KMT2B: variants seen among roughly 807,000 people sequenced by gnomAD.
The protein encoded by KMT2B is histone-lysine N-methyltransferase 2B.
Under a neutral mutation model 255.3 loss-of-function variants are expected in KMT2B, and 22 were observed. That is an observed-to-expected ratio of 0.09 (90% CI 0.06 to 0.12). The LOEUF (loss-of-function observed/expected upper bound fraction) is 0.12. KMT2B is among the 10% of genes least tolerant of loss of function. The pLI, the probability that KMT2B is intolerant of heterozygous loss-of-function variation, is 1.00. For missense variants in KMT2B, 3,149 were observed against 3,737.0 expected, an observed-to-expected ratio of 0.84 and a Z score of 4.10; for synonymous variants, 1,730 against 1,498.1, an observed-to-expected ratio of 1.15 and a Z score of -3.57.
chr19:35,724,486 G>A (rs1969350828), intron 8 of KMT2B, 151 bp from the exon 9 acceptor site: 10 of 693,378 alleles, frequency 1.4e-5, no homozygotes, highest in East Asian at 2.7e-5. Flanking sequence ...GCAACAGAGC[G>A]AGACCCTGCC....
rs746931510 is a variant in KMT2B at position 35,738,446 on chromosome 19, C to T, written c.8037C>T (p.Arg2679=). 1.9e-6 allele frequency: 3 copies of T among 1,614,140 alleles called. No homozygotes were observed. Among genetic ancestry groups the T allele is most frequent in the South Asian group, 1.1e-5 (1 of 91,088 alleles). Residue 2679 remains arginine, a synonymous_variant, in exon 37 of 37, where the codon CGC becomes CGT. Transcript: ENST00000420124. The surrounding 1 kb of genome is among the most constrained non-coding windows in gnomAD (Gnocchi z 8.7). ...QKHIVIFALR[R]ILRGEELTYD... Reference sequence around the variant, plus strand: ...ACATTGTTATCTTCGCCCTGCGCCGCATCCTGCGTGGTGAGGAGCTCACCT... The same window carrying T: ...ACATTGTTATCTTCGCCCTGCGCCGTATCCTGCGTGGTGAGGAGCTCACCT...
rs746346674 is a variant in KMT2B, at chr19:35,732,024, G to A, written c.5554G>A (p.Ala1852Thr). 2.2e-5 allele frequency: 36 copies of A among 1,613,258 alleles called. No homozygotes were observed. Among genetic ancestry groups the A allele is most frequent in the Non-Finnish European group, 2.8e-5 (33 of 1,179,696 alleles). Residue 1852 changes from alanine to threonine, a missense_variant, in exon 27 of 37, where the codon GCC becomes ACC. Coordinates refer to ENST00000420124, the MANE Select transcript of KMT2B (RefSeq NM_014727.3). ...TCCACTGCGGCCAGATTCAGGCAGC[G>A]CCCCTCCTCCAGCCCCCCGTTCTTT... ...DPPLRPDSGSAPPPAPRSFSG... is the reference protein window; with the variant it reads ...DPPLRPDSGSTPPPAPRSFSG...
chr19:35,727,854 C>T lies in KMT2B; in HGVS notation c.4393-27C>T, dbSNP rs1266949775. The T allele has an allele frequency of 1.9e-6, 3 of 1,611,080 alleles. No individual in the cohort carries two copies. Among genetic ancestry groups the T allele is most frequent in the Admixed American group, 1.7e-5 (1 of 59,896 alleles). ...GAGGGCTGGAATTGTGCAGAGGGGA[C>T]TCAGTCTCTGACAAACCCCCTTACA... On this transcript the variant is annotated intron_variant, in intron 17 of 36. Transcript: ENST00000420124. This position sits in a 1 kb window ranked among gnomAD's most constrained non-coding sequence, Gnocchi z 4.2.
chr19:35,736,302 A>C (rs944220695), intron 30 of KMT2B: 57 of 177,442 alleles, frequency 3.2e-4, no homozygotes, highest in African/African-American at 1.3e-3. Context: ...GCTGCATCTA[A>C]AAAAAATAGA....
rs560841580 is a variant in KMT2B, at chr19:35,725,423, C to G, written c.3643-56C>G. On this transcript the variant is annotated intron_variant, in intron 11 of 36. Transcript: ENST00000420124. The surrounding 1 kb of genome is among the most constrained non-coding windows in gnomAD (Gnocchi z 4.1). ...GGGCCCTCTCAGCTGGGTCTCATCC[C>G]TTGGCCCTCTGGCCTCATGCTATGC... 2 of 1,598,060 alleles carry G rather than the reference C, an allele frequency of 1.3e-6. No individual in the cohort carries two copies. The highest frequency in any genetic ancestry group is 2.2e-5 in the South Asian group (2 of 90,394).
In KMT2B at chr19:35,728,159, C is replaced by T; in HGVS notation, c.4559C>T (p.Thr1520Ile). Residue 1520 changes from threonine (T) to isoleucine (I), a missense_variant, in exon 19 of 37, where the codon ACC becomes ATC. Thr to Ile is a moderately conservative substitution (Grantham distance 89). Around this residue, in one of 18 missense-constraint regions of KMT2B, gnomAD observed 377 missense variants for 471.0 expected, o/e 0.80. Coordinates refer to ENST00000420124, the MANE Select transcript of KMT2B (RefSeq NM_014727.3). ...AHDPKYWRRS[T>I]RLPNGVLPNA... Reference sequence around the variant, plus strand: ...GACCCCAAGTACTGGCGACGGAGTACCCGGCTGCCAAAGTGAGCAAGGCTG... The same window carrying T: ...GACCCCAAGTACTGGCGACGGAGTATCCGGCTGCCAAAGTGAGCAAGGCTG... The T allele has an allele frequency of 1.3e-6, 2 of 1,593,036 alleles. No homozygotes were observed. Among genetic ancestry groups the T allele is most frequent in the Non-Finnish European group, 1.7e-6 (2 of 1,170,462 alleles).
Position 35,730,871 on chromosome 19 carries a change from T to C in KMT2B, c.5437+4T>C. The C allele has an allele frequency of 6.3e-7, 1 of 1,595,406 alleles. No individual in the cohort carries two copies. The highest frequency in any genetic ancestry group is 8.5e-7 in the Non-Finnish European group (1 of 1,170,396). ...CACAGCCCCGCCCCTTCCTCAGGTG[T>C]GGCTTTGGCTCTGTCTTCTTCCTGA... On this transcript the variant is annotated splice_donor_region_variant and intron_variant, in intron 26 of 36. Coordinates refer to ENST00000420124, the MANE Select transcript of KMT2B (RefSeq NM_014727.3).
At position 35,725,967 on chromosome 19, in the gene KMT2B, C is replaced by T. The variant is rs965568110; in HGVS notation, c.3885+149C>T. 144 of 733,590 alleles carry T rather than the reference C, an allele frequency of 2.0e-4. 1 individual carries two copies. Among genetic ancestry groups the T allele is most frequent in the East Asian group, 1.8e-3 (68 of 36,904 alleles). 45.4% of individuals were successfully genotyped at this position (733,590 alleles called of 1,614,324 possible). ...TAATGTTTCCTCTTCAAAAATTTCA[C>T]ATAGGTCAGATTTATATTCAGAATT... On this transcript the variant is annotated intron_variant, in intron 13 of 36. Coordinates refer to ENST00000420124, the MANE Select transcript of KMT2B (RefSeq NM_014727.3). This position sits in a 1 kb window ranked among gnomAD's most constrained non-coding sequence, Gnocchi z 4.1.
intron 25 of KMT2B, 31 bp downstream of exon 25, chr19:35,730,647 G>T: frequency 6.2e-7 from 1 of 1,613,824 alleles, no homozygotes; most frequent in Non-Finnish European, 8.5e-7. Flanking sequence ...ATGGGGCCAG[G>T]GGACTCCATA....
chr19:35,723,606 A>G lies in KMT2B; in HGVS notation c.3058+104A>G, dbSNP rs1599676719. On this transcript the variant is annotated intron_variant, in intron 7 of 36. Coordinates refer to ENST00000420124, the MANE Select transcript of KMT2B (RefSeq NM_014727.3). The surrounding 1 kb of genome is among the most constrained non-coding windows in gnomAD (Gnocchi z 7.5). ...TCCTCCCTTGCAGCTCACCCTCTCCATCTTCTCCGTTGTGTGCTTTCATAG... is the reference window on the plus strand; with the variant it reads ...TCCTCCCTTGCAGCTCACCCTCTCCGTCTTCTCCGTTGTGTGCTTTCATAG... 3.1e-6 allele frequency: 4 copies of G among 1,302,188 alleles called. No homozygotes were observed. The highest frequency in any genetic ancestry group is 1.5e-5 in the African/African-American group (1 of 67,244). The allele number at this position is 1,302,188 out of a possible 1,614,324, so 80.7% of individuals were successfully genotyped here. A position where few individuals can be genotyped will look rare whatever the true frequency, so the allele number is the denominator to read the frequency against.
rs1215261213 is a variant in KMT2B at position 35,737,633 on chromosome 19, C to T, written c.7551-3C>T. ...TTCCTCCTTCCCCTGCTGCCACCTG[C>T]AGGAAGTGCACCTTTGACATGTTCA... On this transcript the variant is annotated splice_polypyrimidine_tract_variant and splice_region_variant and intron_variant, in intron 33 of 36. Transcript: ENST00000420124. This position sits in a 1 kb window ranked among gnomAD's most constrained non-coding sequence, Gnocchi z 5.3. 6.4e-7 allele frequency: 1 copy of T among 1,550,984 alleles called. No individual in the cohort carries two copies.
At position 35,723,996 on chromosome 19, in the gene KMT2B, C is replaced by G. The variant is rs754957565; in HGVS notation, c.3323C>G (p.Pro1108Arg). 2.5e-6 allele frequency: 4 copies of G among 1,587,600 alleles called. No homozygotes were observed. In the South Asian group the frequency reaches 3.3e-5, roughly 13 times the overall value. ...GGPPAPRRRT[P>R]RENELPLPEP... ...CCCCCTGCTCCTCGGCGTCGGACCC[C>G]CCGAGAAAATGGTGCGAACTGCTTA... Residue 1108 changes from proline to arginine, a missense_variant, in exon 8 of 37, where the codon CCC becomes CGC. Transcript: ENST00000420124. This position sits in a 1 kb window ranked among gnomAD's most constrained non-coding sequence, Gnocchi z 7.5.
In KMT2B at chr19:35,718,659, GT is replaced by G. The variant is rs1969056458; in HGVS notation, c.363+279del. ...TTCGGCAGCTGGCAAAGCTAGGGCG[GT>G]GGAGGTTTGGGCGAGGAGGCAGTGG... On this transcript the variant is annotated intron_variant, in intron 1 of 36. Transcript: ENST00000420124. The surrounding 1 kb of genome is among the most constrained non-coding windows in gnomAD (Gnocchi z 5.0). Among the ~76,000 whole-genome samples the G allele has an allele frequency of 6.6e-6, 1 of 152,256 alleles. No individual in the cohort carries two copies.
rs530912269 is a variant in KMT2B, at chr19:35,719,063, T to G, written c.364-406T>G. 7.2e-5 allele frequency among the ~76,000 whole-genome samples: 11 copies of G among 152,256 alleles called. No individual in the cohort carries two copies. The South Asian group carries it at 1.7e-3, about 23-fold the overall frequency. On this transcript the variant is annotated intron_variant, in intron 1 of 36. Coordinates refer to ENST00000420124, the MANE Select transcript of KMT2B (RefSeq NM_014727.3). ...CTGATGCCCTCCCCGCCCCTTCACT[T>G]GCGGGCCCCTGTTCCCAACTTAATG... is the stretch of plus-strand genomic sequence containing the variant.
At position 35,725,432 on chromosome 19, in the gene KMT2B, C is replaced by G; in HGVS notation, c.3643-47C>G. The G allele has an allele frequency of 6.2e-7, 1 of 1,601,894 alleles. No individual in the cohort carries two copies. ...CAGCTGGGTCTCATCCCTTGGCCCT[C>G]TGGCCTCATGCTATGCCCATCATTC... On this transcript the variant is annotated intron_variant, in intron 11 of 36. Transcript: ENST00000420124. This position sits in a 1 kb window ranked among gnomAD's most constrained non-coding sequence, Gnocchi z 4.1.
At position 35,732,940 on chromosome 19, in the gene KMT2B, C is replaced by T; in HGVS notation, c.6391C>T (p.Pro2131Ser). The T allele has an allele frequency of 1.2e-6, 2 of 1,607,752 alleles. No homozygotes were observed. The highest frequency in any genetic ancestry group is 1.3e-5 in the African/African-American group (1 of 74,946). ...LGGPGDGGAGPREESLPPAPP... is the reference protein window; with the variant it reads ...LGGPGDGGAGSREESLPPAPP... ...GGGTCCTGGGGATGGAGGTGCTGGC[C>T]CTAGAGAGGAGTCACTCCCCCCGGC... Residue 2131 changes from proline to serine, a missense_variant, in exon 28 of 37, where the codon CCT becomes TCT. Transcript: ENST00000420124.
rs370270196 is a variant in KMT2B, at chr19:35,729,020, C to T, written c.4723C>T (p.Leu1575=). 79 of 1,613,880 alleles carry T rather than the reference C, an allele frequency of 4.9e-5. 2 individuals carry two copies. The highest frequency in any genetic ancestry group is 6.3e-5 in the Non-Finnish European group (74 of 1,179,902). The change falls in exon 21 of 37, where the codon CTG becomes TTG. Residue 1575 remains leucine, a synonymous_variant. Coordinates refer to ENST00000420124, the MANE Select transcript of KMT2B (RefSeq NM_014727.3). ...CAAGGATCCGGCTGCCTTCTCACAC[C>T]TGGAGGACCCCCGTCAGTGTGCACT... is the stretch of plus-strand genomic sequence containing the variant. The part of the protein sequence containing the change: ...QGKDPAAFSH[L]EDPRQCALCL...
rs761903584 is a variant in KMT2B at position 35,729,100 on chromosome 19, C to A, written c.4779+24C>A. The A allele has an allele frequency of 9.3e-6, 15 of 1,613,884 alleles. No individual in the cohort carries two copies. In the East Asian group the frequency reaches 3.3e-4, roughly 36 times the overall value. ...AGGTGAGGGCTGCTCTGTGACGCAC[C>A]AGGTTGTGGGGCCTGTTCCCTGGCC... On this transcript the variant is annotated intron_variant, in intron 21 of 36. Coordinates refer to ENST00000420124, the MANE Select transcript of KMT2B (RefSeq NM_014727.3).
chr19:35,721,733 C>T lies in KMT2B; in HGVS notation c.2386C>T (p.Leu796Phe), dbSNP rs1190910079. The change falls in exon 3 of 37, where the codon CTC becomes TTC. Residue 796 changes from leucine (L) to phenylalanine (F), a missense_variant. This residue lies in a region of KMT2B where 1,188 missense variants were observed against 1,106.4 expected (regional missense o/e 1.07). Coordinates refer to ENST00000420124, the MANE Select transcript of KMT2B (RefSeq NM_014727.3). ...SGVEEKMFSL[L>F]KRAKVQLFKI... ...GGTAGAGGAGAAGATGTTCAGCCTC[C>T]TCAAGAGAGCCAAAGTGCAGCTATT... 1 of 1,610,484 alleles carries T rather than the reference C, an allele frequency of 6.2e-7. No homozygotes were observed. The highest frequency in any genetic ancestry group is 8.5e-7 in the Non-Finnish European group (1 of 1,178,372).
Sources: gnomAD v4.1 joint callset for allele counts (sites outside exome capture counted in the v4.1 genomes callset) on GRCh38, gnomAD v4.1.1 for gene constraint, gnomAD v4.1.1 regional missense constraint, Gnocchi (gnomAD v3.1) non-coding constraint, MANE v1.5 for transcripts, NCBI Gene and HGNC (gene_info 2026-07-23, HGNC 2026-07-21) for gene names.